CCDC169: variants seen among roughly 807,000 people sequenced by gnomAD.
The protein encoded by CCDC169 is coiled-coil domain-containing protein 169.
A neutral mutation model predicts 36.0 loss-of-function variants in CCDC169; 30 were observed. The ratio of observed to expected loss-of-function variants is 0.83; its 90% confidence interval spans 0.62 to 1.13. The LOEUF is 1.13. CCDC169 is among the 50% of genes most tolerant of loss of function. CCDC169 has a pLI of 0.00. For missense variants in CCDC169, 245 were observed against 245.9 expected (o/e 1.00, Z 0.03); for synonymous variants, 85 against 81.5 (o/e 1.04, Z -0.23).
In CCDC169 at chr13:36,253,838, T is replaced by C; in HGVS notation, c.433A>G (p.Asn145Asp). ...TCAGCTAGGTATGTACGGCGTTCAT[T>C]GTTGATCTTCTGGTAAGCCTGTGTG... is the stretch of plus-strand genomic sequence containing the variant. ...QESKAYQKIN[N>D]ERRTYLAEMS... The change falls in exon 6 of 8, where the codon AAT (asparagine) becomes GAT (aspartate). Residue 145 changes from asparagine to aspartate, a missense_variant. Asn to Asp is a conservative substitution (Grantham distance 23). Coordinates refer to ENST00000239859, the MANE Select transcript of CCDC169 (RefSeq NM_001144981.3). 1 of 1,551,236 alleles carries C rather than the reference T, an allele frequency of 6.4e-7. No homozygotes were observed. Among genetic ancestry groups the C allele is most frequent in the Non-Finnish European group, 8.7e-7 (1 of 1,146,890 alleles).
intron 4 of CCDC169, among the ~76,000 whole-genome samples, chr13:36,271,261 T>A (rs1179288419): frequency 6.6e-6 from 1 of 151,992 alleles, no homozygotes; most frequent in Non-Finnish European, 1.5e-5. Flanking sequence ...AAAAAATAGA[T>A]GTTGGCATGG....
intron 7 of CCDC169, among the ~76,000 whole-genome samples, chr13:36,238,547 C>T (rs150062696): frequency 6.6e-5 from 10 of 152,158 alleles, no homozygotes; most frequent in African/African-American, 2.2e-4. Flanking sequence ...AAAATGATTT[C>T]TTCTGGTGAA....
At chr13:36,270,416 A>G (rs1875887708) in intron 4 of CCDC169, among the ~76,000 whole-genome samples, 1 of 152,202 alleles carries the variant, frequency 6.6e-6, no homozygotes, top group South Asian at 2.1e-4. Context: ...ATTAGAAAAA[A>G]AAATCCTAAA....
At chr13:36,267,427 C>T (rs2138540776) in intron 4 of CCDC169, among the ~76,000 whole-genome samples, 1 of 152,214 alleles carries the variant, frequency 6.6e-6, no homozygotes, top group Middle Eastern at 3.4e-3. Context: ...TTTGTCACTA[C>T]CAAACCAGCA....
At chr13:36,281,006 C>A (rs998865799) in intron 4 of CCDC169, 2 of 234,580 alleles carry the variant, frequency 8.5e-6, no homozygotes, top group Non-Finnish European at 1.7e-5. Context: ...AGGGGAATTA[C>A]TGGGTGCAGC....
At chr13:36,237,809 C>A (rs147384993) in intron 7 of CCDC169, among the ~76,000 whole-genome samples, 6 of 152,216 alleles carry the variant, frequency 3.9e-5, no homozygotes, top group African/African-American at 1.2e-4. Context: ...TTGTACTGTA[C>A]CTTTTCTATG....
At chr13:36,227,302 C>T (rs759880974), downstream of CCDC169, 3 of 1,551,498 alleles carry the variant, frequency 1.9e-6, no homozygotes, top group African/African-American at 1.4e-5. Flanking sequence ...TTCTCTGGTC[C>T]AGCCACACCT....
At chr13:36,270,101 C>T (rs1475871357) in intron 4 of CCDC169, among the ~76,000 whole-genome samples, 2 of 152,128 alleles carry the variant, frequency 1.3e-5, no homozygotes, top group Non-Finnish European at 2.9e-5. Context: ...TCAATGTACA[C>T]AAATCAGTAG....
At chr13:36,260,485 C>CAT (rs1485582994) in intron 4 of CCDC169, among the ~76,000 whole-genome samples, 1 of 152,138 alleles carries the variant, frequency 6.6e-6, no homozygotes, top group African/African-American at 2.4e-5. Flanking sequence ...TCAGTAATAC[C>CAT]ATATATATAC....
chr13:36,265,993 T>C (rs1271091730), intron 4 of CCDC169, among the ~76,000 whole-genome samples: 1 of 152,176 alleles, frequency 6.6e-6, no homozygotes, highest in African/African-American at 2.4e-5. Context: ...CCTGTGTAAA[T>C]GGCCAGAGGT....
downstream of CCDC169, among the ~76,000 whole-genome samples, chr13:36,228,618 G>A (rs1870098552): frequency 6.6e-6 from 1 of 151,820 alleles, no homozygotes. Context: ...GGAGTGCAGT[G>A]GCTCATTGCA....
chr13:36,253,877 A>G (rs777690847), intron 5 of CCDC169, 21 bp from the exon 6 acceptor site: 1 of 1,550,788 alleles, frequency 6.4e-7, no homozygotes, highest in East Asian at 2.4e-5. Flanking sequence ...ATACAAAAGC[A>G]AAGGGTCCAA....
At chr13:36,230,536 T>C (rs569147400), downstream of CCDC169, among the ~76,000 whole-genome samples, 12 of 152,318 alleles carry the variant, frequency 7.9e-5, no homozygotes, top group South Asian at 2.5e-3. Flanking sequence ...GTTAAGTAAG[T>C]GGTAGGACCT....
intron 2 of CCDC169, among the ~76,000 whole-genome samples, chr13:36,283,933 T>C (rs1191416039): frequency 6.6e-6 from 1 of 152,186 alleles, no homozygotes; most frequent in African/African-American, 2.4e-5. Flanking sequence ...TTATCACAAC[T>C]ACTGCAATTC....
chr13:36,247,806 G>A (rs931322885), intron 7 of CCDC169, among the ~76,000 whole-genome samples: 5 of 152,152 alleles, frequency 3.3e-5, no homozygotes, highest in Admixed American at 1.3e-4. Context: ...CTATGGACTT[G>A]GTTGATAAAT....
chr13:36,293,870 T>A (rs1421235448), intron 2 of CCDC169, among the ~76,000 whole-genome samples: 2 of 152,010 alleles, frequency 1.3e-5, no homozygotes, highest in Non-Finnish European at 2.9e-5. Flanking sequence ...GCTCCTAAAT[T>A]ATAGGGTGAT....
chr13:36,263,580 C>T (rs906518234), intron 4 of CCDC169, among the ~76,000 whole-genome samples: 2 of 152,082 alleles, frequency 1.3e-5, no homozygotes, highest in Admixed American at 6.5e-5. Context: ...GGACAAGTTC[C>T]AGTCTCTGAA....
intron 4 of CCDC169, among the ~76,000 whole-genome samples, chr13:36,271,688 A>G (rs1363770591): frequency 6.6e-6 from 1 of 152,214 alleles, no homozygotes; most frequent in Non-Finnish European, 1.5e-5. Flanking sequence ...GTTCTGACTT[A>G]TAAGTGGGAG....
At chr13:36,275,013 C>T (rs922906719) in intron 4 of CCDC169, among the ~76,000 whole-genome samples, 5 of 151,812 alleles carry the variant, frequency 3.3e-5, no homozygotes, top group South Asian at 2.1e-4. Context: ...GGACTACAGG[C>T]GCCCACCATC....
Sources: gnomAD v4.1 joint callset for allele counts (sites outside exome capture counted in the v4.1 genomes callset) on GRCh38, gnomAD v4.1.1 for gene constraint, MANE v1.5 for transcripts, NCBI Gene and HGNC (gene_info 2026-07-23, HGNC 2026-07-21) for gene names.